The following RABGAP1L variants were observed in gnomAD, a reference collection of about 807,000 sequenced individuals.
RABGAP1L encodes the protein rab GTPase-activating protein 1-like.
In RABGAP1L, 63 loss-of-function variants were observed where a neutral mutation model predicts 137.7. The ratio of observed to expected loss-of-function variants is 0.46; its 90% CI spans 0.37 to 0.56. The LOEUF (loss-of-function observed/expected upper bound fraction) is 0.56. Ranked by LOEUF, RABGAP1L falls within the 20% of genes least tolerant of loss-of-function variation. The pLI, the probability that RABGAP1L is intolerant of heterozygous loss-of-function variation, is 0.00. For synonymous variants in RABGAP1L, 431 were observed against 433.7 expected (o/e 0.99, Z 0.08); for missense variants, 1,095 against 1,244.0 (o/e 0.88, Z 1.80).
intron 18 of RABGAP1L, among the ~76,000 whole-genome samples, chr1:174,755,960 G>T (rs1415471506): frequency 7.9e-5 from 12 of 152,044 alleles, no homozygotes. Context: ...TTTATCCAAT[G>T]GTCTTAGGTA....
chr1:174,366,195 A>G (rs1684595692), intron 11 of RABGAP1L, among the ~76,000 whole-genome samples: 1 of 152,198 alleles, frequency 6.6e-6, no homozygotes, highest in Non-Finnish European at 1.5e-5. Context: ...TAATTCTTCT[A>G]AACATCATTT....
chr1:174,987,794 G>A (rs973185453), intron 24 of RABGAP1L, among the ~76,000 whole-genome samples: 3 of 152,262 alleles, frequency 2.0e-5, no homozygotes, highest in African/African-American at 7.2e-5. Flanking sequence ...ATGCGGGCAT[G>A]TGGTAGAGTT....
intron 19 of RABGAP1L, among the ~76,000 whole-genome samples, chr1:174,837,602 A>G (rs1692902548): frequency 6.6e-6 from 1 of 152,168 alleles, no homozygotes; most frequent in African/African-American, 2.4e-5. Flanking sequence ...ATATGGTTAG[A>G]TTTGGGCAAA....
intron 11 of RABGAP1L, among the ~76,000 whole-genome samples, chr1:174,323,354 C>T (rs974919625): frequency 6.6e-6 from 1 of 152,040 alleles, no homozygotes; most frequent in African/African-American, 2.4e-5. Context: ...ATGTAAATCT[C>T]ACCTGAAAGC....
intron 7 of RABGAP1L, among the ~76,000 whole-genome samples, chr1:174,255,292 A>T (rs1387468061): frequency 6.6e-6 from 1 of 152,238 alleles, no homozygotes; most frequent in Non-Finnish European, 1.5e-5. Context: ...CCAAAAGAAT[A>T]TGATTATATT....
intron 7 of RABGAP1L, among the ~76,000 whole-genome samples, 154 bp from the exon 8 acceptor site, chr1:174,272,260 A>AT (rs1674616284): frequency 2.0e-5 from 3 of 151,964 alleles, no homozygotes; most frequent in Non-Finnish European, 4.4e-5. Flanking sequence ...ATCTATCTTC[A>AT]TAAATACTTA....
intron 14 of RABGAP1L, among the ~76,000 whole-genome samples, chr1:174,642,844 G>A (rs1191571272): frequency 6.7e-6 from 1 of 148,150 alleles, no homozygotes; most frequent in African/African-American, 2.5e-5. Flanking sequence ...GGGTGCAGTG[G>A]TGCAATCTTG....
intron 13 of RABGAP1L, among the ~76,000 whole-genome samples, chr1:174,401,249 A>G (rs577148758): frequency 6.6e-6 from 1 of 152,270 alleles, no homozygotes; most frequent in East Asian, 1.9e-4. Flanking sequence ...AAATTCTGCT[A>G]CTTACTGGTT....
At chr1:174,306,666 G>GT (rs369485142) in intron 11 of RABGAP1L, among the ~76,000 whole-genome samples, 72 of 150,806 alleles carry the variant, frequency 4.8e-4, no homozygotes, top group African/African-American at 1.3e-3. Context: ...TTCAATTCTT[G>GT]TTTTTTTTTG....
At chr1:174,196,200 T>A (rs948245186) in intron 1 of RABGAP1L, among the ~76,000 whole-genome samples, 2 of 151,282 alleles carry the variant, frequency 1.3e-5, no homozygotes, top group Non-Finnish European at 2.9e-5. Flanking sequence ...TTTTCTTTCC[T>A]CAGCATTTGT....
intron 13 of RABGAP1L, among the ~76,000 whole-genome samples, chr1:174,566,002 A>G (rs1667559316): frequency 6.6e-6 from 1 of 150,952 alleles, no homozygotes; most frequent in Non-Finnish European, 1.5e-5. Context: ...TTCCCACCTC[A>G]GTTCCTCAAG....
At chr1:174,926,897 AC>A (rs1662927773) in intron 19 of RABGAP1L, among the ~76,000 whole-genome samples, 1 of 151,862 alleles carries the variant, frequency 6.6e-6, no homozygotes, top group Non-Finnish European at 1.5e-5. Context: ...ATATGGTGAA[AC>A]CCTGTCTCTA....
At chr1:174,857,088 C>T (rs534920618) in intron 19 of RABGAP1L, among the ~76,000 whole-genome samples, 67 of 152,294 alleles carry the variant, frequency 4.4e-4, no homozygotes, top group Admixed American at 1.6e-3. Context: ...AAAATGTCAA[C>T]CTAGAATTCT....
At chr1:174,185,715 C>G (rs1666744720) in intron 1 of RABGAP1L, among the ~76,000 whole-genome samples, 1 of 152,194 alleles carries the variant, frequency 6.6e-6, no homozygotes, top group Non-Finnish European at 1.5e-5. Context: ...TTTAGATTCC[C>G]TCCTTCCTGC....
chr1:174,359,390 G>C lies in RABGAP1L; in HGVS notation c.1466-11589G>C, dbSNP rs148817231. On this transcript the variant is annotated intron_variant, in intron 11 of 25. Coordinates refer to ENST00000681986, the MANE Select transcript of RABGAP1L (RefSeq NM_001366446.1). ...AGTGTTTAAAACACTCATGATTATT[G>C]GTTTCTTCAGAGAGGAAGATAGATC... Among the ~76,000 whole-genome samples, 23 of 151,910 alleles carry C rather than the reference G, an allele frequency of 1.5e-4. No individual in the cohort carries two copies. In the East Asian group the frequency reaches 4.5e-3, roughly 29 times the overall value.
At chr1:174,946,974 G>GTA (rs1558267833) in intron 19 of RABGAP1L, among the ~76,000 whole-genome samples, 23 of 119,660 alleles carry the variant, frequency 1.9e-4, no homozygotes, top group African/African-American at 4.3e-4. Context: ...GTGTGTGTGT[G>GTA]TGTGTGTATA....
At chr1:174,331,817 T>C (rs1184796296) in intron 11 of RABGAP1L, among the ~76,000 whole-genome samples, 1 of 149,260 alleles carries the variant, frequency 6.7e-6, no homozygotes, top group Non-Finnish European at 1.5e-5. Context: ...CCTAATGCTA[T>C]CCCTCCCCCT....
Position 174,383,018 on chromosome 1 carries a change from C to G in RABGAP1L, c.1560-10977C>G, listed in dbSNP as rs991466788. ...AGTTTTCCTTCTAACAGACAGGACCCTCAGCTGCAGGTCTGTTGGAATACC... is the reference window on the plus strand; with the variant it reads ...AGTTTTCCTTCTAACAGACAGGACCGTCAGCTGCAGGTCTGTTGGAATACC... On this transcript the variant is annotated intron_variant, in intron 12 of 25. Coordinates refer to ENST00000681986, the MANE Select transcript of RABGAP1L (RefSeq NM_001366446.1). Among the ~76,000 whole-genome samples, 1,006 of 151,122 alleles carry G rather than the reference C, an allele frequency of 6.7e-3. 9 individuals carry two copies. The highest frequency in any genetic ancestry group is 0.023 in the African/African-American group (935 of 40,856).
intron 19 of RABGAP1L, among the ~76,000 whole-genome samples, chr1:174,854,445 T>G (rs1329764537): frequency 6.6e-6 from 1 of 152,072 alleles, no homozygotes; most frequent in African/African-American, 2.4e-5. Flanking sequence ...ATTGTAAAGG[T>G]GAGATTATTC....
Sources: gnomAD v4.1 joint callset for allele counts (sites outside exome capture counted in the v4.1 genomes callset) on GRCh38, gnomAD v4.1.1 for gene constraint, MANE v1.5 for transcripts, NCBI Gene and HGNC (gene_info 2026-07-23, HGNC 2026-07-21) for gene names.